Variants in HIRA observed in about 807,000 individuals in gnomAD.
HIRA encodes the protein protein HIRA.
Under a neutral mutation model 126.6 loss-of-function variants are expected in HIRA, and 13 were observed. The ratio of observed to expected loss-of-function variants is 0.10; its 90% CI spans 0.07 to 0.16. The LOEUF (loss-of-function observed/expected upper bound fraction) is 0.16, where lower values mean the gene tolerates loss of function less well. HIRA is among the 10% of genes least tolerant of loss of function. HIRA has a pLI of 1.00. For missense variants in HIRA, 834 were observed against 1,314.4 expected, an observed-to-expected ratio of 0.63 and a Z score of 5.65; for synonymous variants, 511 against 520.0, an observed-to-expected ratio of 0.98 and a Z score of 0.24.
chr22:19,402,280 A>T (rs1167125680), intron 5 of HIRA, among the ~76,000 whole-genome samples: 1 of 152,224 alleles, frequency 6.6e-6, no homozygotes, highest in Admixed American at 6.5e-5. Context: ...TAATTTGGGA[A>T]AAAATGTATT....
chr22:19,387,141 G>A (rs1419089791), intron 11 of HIRA, among the ~76,000 whole-genome samples: 1 of 152,234 alleles, frequency 6.6e-6, no homozygotes, highest in Non-Finnish European at 1.5e-5. Flanking sequence ...ACAGAGGGGA[G>A]GCAGCCTGGC....
At chr22:19,364,702 T>C (rs2088896204) in intron 15 of HIRA, among the ~76,000 whole-genome samples, 1 of 152,198 alleles carries the variant, frequency 6.6e-6, no homozygotes, top group African/African-American at 2.4e-5. Flanking sequence ...TTCTCCTGTC[T>C]CCCTTCCTCT....
At chr22:19,382,436 T>C (rs751942064) in intron 13 of HIRA, among the ~76,000 whole-genome samples, 8 of 152,092 alleles carry the variant, frequency 5.3e-5, no homozygotes, top group Non-Finnish European at 1.2e-4. Context: ...AGGGTCACAA[T>C]AGGAAAAAGA....
At chr22:19,347,324 T>C (rs1356055712) in intron 24 of HIRA, among the ~76,000 whole-genome samples, 23 of 152,306 alleles carry the variant, frequency 1.5e-4, no homozygotes, top group African/African-American at 4.3e-4. Context: ...AAGACCGCAA[T>C]GAACAAATCA....
chr22:19,417,578 C>T (rs1444897403), intron 1 of HIRA, among the ~76,000 whole-genome samples: 5 of 151,536 alleles, frequency 3.3e-5, no homozygotes, highest in Admixed American at 6.6e-5. Context: ...GCCAAGATCC[C>T]GCCACTGCAC....
rs549148075 is a variant in HIRA, at chr22:19,331,702, C to A, written c.2938-146G>T. 9.3e-6 allele frequency: 7 copies of A among 755,110 alleles called. No individual in the cohort carries two copies. The South Asian group carries it at 1.2e-4, about 13-fold the overall frequency. 46.8% of individuals were successfully genotyped at this position (755,110 alleles called of 1,614,324 possible). A position where few individuals can be genotyped will look rare whatever the true frequency, so the allele number is the denominator to read the frequency against. ...CTGCAGGTGAGAAACTGTGAGAGAG[C>A]TGTGGGGCAAATGTGCAGGATGAAG... On this transcript the variant is annotated intron_variant, in intron 24 of 24. Coordinates refer to ENST00000263208, the MANE Select transcript of HIRA (RefSeq NM_003325.4).
At chr22:19,430,492 T>A (rs2089524160) in intron 1 of HIRA, among the ~76,000 whole-genome samples, 2 of 152,172 alleles carry the variant, frequency 1.3e-5, no homozygotes, top group South Asian at 4.1e-4. Context: ...CACCCTGTAG[T>A]CGCACTGCAA....
chr22:19,372,188 A>G (rs970387816), intron 15 of HIRA, among the ~76,000 whole-genome samples: 1 of 152,072 alleles, frequency 6.6e-6, no homozygotes, highest in Admixed American at 6.5e-5. Context: ...AGACTTAAGC[A>G]TACTTTATAG....
At chr22:19,396,232 C>T (rs184869889) in intron 7 of HIRA, among the ~76,000 whole-genome samples, 17 of 152,260 alleles carry the variant, frequency 1.1e-4, no homozygotes, top group African/African-American at 3.9e-4. Context: ...CCTATAAATC[C>T]GGGCCAGGCG....
chr22:19,343,673 C>A (rs1556008144), intron 24 of HIRA, among the ~76,000 whole-genome samples: 2 of 151,618 alleles, frequency 1.3e-5, no homozygotes, highest in African/African-American at 4.8e-5. Flanking sequence ...CACCTGTAAT[C>A]CCAACACTTT....
At chr22:19,411,264 G>A (rs984024904) in intron 1 of HIRA, among the ~76,000 whole-genome samples, 13 of 152,216 alleles carry the variant, frequency 8.5e-5, no homozygotes, top group Non-Finnish European at 4.4e-5. Context: ...CATACCGTCT[G>A]CCATCTCAGC....
chr22:19,385,620 C>T lies in HIRA; in HGVS notation c.1230G>A (p.Gln410=). 2 of 1,614,210 alleles carry T rather than the reference C, an allele frequency of 1.2e-6. No homozygotes were observed. The highest frequency in any genetic ancestry group is 8.5e-7 in the Non-Finnish European group (1 of 1,180,050). ...CAGCACTCTTCTGGTCCAGCTGCTG[C>T]TGCTGCTGCCTTCGCTGGTACTTGA... is the stretch of plus-strand genomic sequence containing the variant. ...EMLKYQRRQQ[Q]QQLDQKSAAT... Residue 410 remains glutamine, a synonymous_variant, in exon 12 of 25, where the codon CAG becomes CAA. Coordinates refer to ENST00000263208, the MANE Select transcript of HIRA (RefSeq NM_003325.4).
At position 19,431,527 on chromosome 22, in the gene HIRA, G is replaced by A. The variant is rs2089539389; in HGVS notation, c.-51C>T. On this transcript the variant is annotated 5_prime_UTR_variant, in exon 1 of 25. Coordinates refer to ENST00000263208, the MANE Select transcript of HIRA (RefSeq NM_003325.4). Reference sequence around the variant, plus strand: ...TGAGGCGAGCGCCGGGTCCCTCAGCGCGCCCGGGCCATGGAGCCACCGCCG... The same window carrying A: ...TGAGGCGAGCGCCGGGTCCCTCAGCACGCCCGGGCCATGGAGCCACCGCCG... 2 of 1,485,646 alleles carry A rather than the reference G, an allele frequency of 1.3e-6. No homozygotes were observed. Among genetic ancestry groups the A allele is most frequent in the East Asian group, 2.8e-5 (1 of 35,674 alleles). The allele number at this position is 1,485,646 out of a possible 1,614,324, so 92.0% of individuals were successfully genotyped here.
intron 24 of HIRA, among the ~76,000 whole-genome samples, chr22:19,347,368 G>A (rs1387954145): frequency 6.6e-6 from 1 of 152,104 alleles, no homozygotes; most frequent in African/African-American, 2.4e-5. Flanking sequence ...ATAATTCAGG[G>A]AACAAATTAT....
rs192139706 is a variant in HIRA at position 19,427,362 on chromosome 22, G to A, written c.37+4078C>T. On this transcript the variant is annotated intron_variant, in intron 1 of 24. Transcript: ENST00000263208. ...TTTCCCTGCCAATTCTCAGACATAG[G>A]TCTGCAGTGCCCTCCGGCAGCAGGC... Among the ~76,000 whole-genome samples the A allele has an allele frequency of 1.4e-4, 22 of 152,246 alleles. No homozygotes were observed. The East Asian group carries it at 4.2e-3, about 29-fold the overall frequency.
At chr22:19,373,080 T>C (rs1181893808) in intron 15 of HIRA, among the ~76,000 whole-genome samples, 1 of 152,252 alleles carries the variant, frequency 6.6e-6, no homozygotes, top group Admixed American at 6.5e-5. Flanking sequence ...GTGTCATATC[T>C]AAGAAACAGT....
chr22:19,380,808 G>C (rs1199161645), intron 13 of HIRA, among the ~76,000 whole-genome samples: 1 of 152,112 alleles, frequency 6.6e-6, no homozygotes, highest in Admixed American at 6.5e-5. Flanking sequence ...ATTTTTAGTA[G>C]GGACGGGGTT....
intron 13 of HIRA, 31 bp from the exon 14 acceptor site, chr22:19,378,097 T>G (rs991553396): frequency 8.7e-6 from 13 of 1,494,798 alleles, no homozygotes; most frequent in Middle Eastern, 3.6e-4. Flanking sequence ...AAGTCAGCCT[T>G]GAAAGTCAGG....
chr22:19,354,985 C>G (rs1426341048), intron 21 of HIRA, among the ~76,000 whole-genome samples: 3 of 151,900 alleles, frequency 2.0e-5, no homozygotes, highest in African/African-American at 7.3e-5. Context: ...GTTGCCCAAG[C>G]TGGTCTCAAA....
Sources: allele counts gnomAD v4.1 joint callset (sites outside exome capture counted in the v4.1 genomes callset), GRCh38; gene constraint gnomAD v4.1.1; transcripts MANE v1.5; gene names NCBI Gene and HGNC (gene_info 2026-07-23, HGNC 2026-07-21).